The following TBCD variants were observed in gnomAD, a reference collection of about 807,000 sequenced individuals.
TBCD encodes tubulin folding cofactor D, also known as tubulin-specific chaperone D.
In TBCD, 105 loss-of-function variants were observed where a neutral mutation model predicts 169.3. That is an observed-to-expected ratio of 0.62 (90% CI 0.53 to 0.73). The LOEUF is 0.73. Ranked by LOEUF, TBCD falls within the 30% of genes least tolerant of loss-of-function variation. The pLI, the probability that TBCD is intolerant of heterozygous loss-of-function variation, is 0.00. For missense variants in TBCD, 1,444 were observed against 1,600.1 expected (o/e 0.90, Z 1.66); for synonymous variants, 700 against 643.9 (o/e 1.09, Z -1.32).
intron 12 of TBCD, among the ~76,000 whole-genome samples, chr17:82,813,360 C>T (rs1015804461): frequency 1.3e-5 from 2 of 152,136 alleles, no homozygotes; most frequent in Admixed American, 6.5e-5. Flanking sequence ...GAGACCCCCC[C>T]TGTGCTTCCA....
intron 4 of TBCD, among the ~76,000 whole-genome samples, chr17:82,767,690 C>T (rs1237685326): frequency 2.6e-5 from 4 of 152,140 alleles, no homozygotes; most frequent in Non-Finnish European, 2.9e-5. Flanking sequence ...GGCACGGTGG[C>T]TCGTGCCTGT....
intron 6 of TBCD, 82 bp downstream of exon 6, chr17:82,772,589 C>A: frequency 7.0e-7 from 1 of 1,433,378 alleles, no homozygotes. Flanking sequence ...TCATGTGCGT[C>A]TTCAGTCCTC....
At chr17:82,908,222 G>C (rs900121282) in intron 21 of TBCD, 2 of 436,850 alleles carry the variant, frequency 4.6e-6, no homozygotes, top group African/African-American at 4.1e-5. Context: ...AACTCTGGGT[G>C]GGGGCATTGG....
chr17:82,778,954 G>A (rs542587577), intron 6 of TBCD, among the ~76,000 whole-genome samples: 4 of 152,036 alleles, frequency 2.6e-5, no homozygotes, highest in South Asian at 4.2e-4. Context: ...GAGCCACTGC[G>A]CCCGGCCATG....
rs183608851 is a variant in TBCD at position 82,870,410 on chromosome 17, G to A, written c.1475+30G>A. ...GCCCATTCGTCGAGGTACATCGGAT[G>A]CGCCGTGCCCCCTGACGGCGCCGTG... On this transcript the variant is annotated intron_variant, in intron 14 of 38. Coordinates refer to ENST00000355528, the MANE Select transcript of TBCD (RefSeq NM_005993.5). 7,556 of 1,604,380 alleles carry A rather than the reference G, an allele frequency of 4.7e-3. 30 individuals are homozygous for A. Among genetic ancestry groups the A allele is most frequent in the Non-Finnish European group, 5.2e-3 (6,132 of 1,174,090 alleles).
At chr17:82,900,311 T>G (rs763077537) in intron 17 of TBCD, among the ~76,000 whole-genome samples, 12 of 152,228 alleles carry the variant, frequency 7.9e-5, no homozygotes, top group Non-Finnish European at 1.5e-4. Flanking sequence ...TTTGTCAGTC[T>G]TCTTTGGCTT....
intron 13 of TBCD, among the ~76,000 whole-genome samples, chr17:82,817,662 G>A (rs780212496): frequency 1.8e-4 from 27 of 152,246 alleles, no homozygotes; most frequent in Non-Finnish European, 2.6e-4. Context: ...GCCCAGGCTC[G>A]TCTTGAACTT....
rs867885768 is a variant in TBCD at position 82,780,889 on chromosome 17, G to A, written c.639-700G>A. On this transcript the variant is annotated intron_variant, in intron 6 of 38. Coordinates refer to ENST00000355528, the MANE Select transcript of TBCD (RefSeq NM_005993.5). ...TCTCGAACTCCTGACCTCGTGATCC[G>A]CCCTCCTCGTCCTCCAAAGTGCTGG... Among the ~76,000 whole-genome samples the A allele has an allele frequency of 6.6e-5, 10 of 151,884 alleles. No homozygotes were observed. In the Middle Eastern group the frequency reaches 0.01, roughly 155 times the overall value.
At chr17:82,899,145 A>G (rs1203598574) in intron 17 of TBCD, among the ~76,000 whole-genome samples, 2 of 88,096 alleles carry the variant, frequency 2.3e-5, no homozygotes, top group South Asian at 3.0e-4. Flanking sequence ...GTCCTCCGCT[A>G]GTGTCCTCAG....
At chr17:82,755,246 T>G (rs1350640528) in intron 1 of TBCD, among the ~76,000 whole-genome samples, 1 of 152,198 alleles carries the variant, frequency 6.6e-6, no homozygotes, top group Non-Finnish European at 1.5e-5. Flanking sequence ...GTTTTTCTTA[T>G]GCAGATGAAG....
chr17:82,821,432 G>T (rs2052405266), intron 13 of TBCD, among the ~76,000 whole-genome samples: 1 of 152,176 alleles, frequency 6.6e-6, no homozygotes, highest in African/African-American at 2.4e-5. Context: ...AGAAATCTTT[G>T]CATATGTGTT....
intron 28 of TBCD, 112 bp from the exon 29 acceptor site, chr17:82,927,074 G>C: frequency 6.7e-7 from 1 of 1,486,934 alleles, no homozygotes; most frequent in Non-Finnish European, 9.2e-7. Context: ...CGAGGGTCCT[G>C]GACTGTTCTG....
chr17:82,909,298 A>G lies in TBCD; in HGVS notation c.1997A>G (p.Gln666Arg). The G allele has an allele frequency of 6.6e-7, 1 of 1,522,856 alleles. No homozygotes were observed. Among genetic ancestry groups the G allele is most frequent in the Non-Finnish European group, 8.9e-7 (1 of 1,122,698 alleles). The allele number at this position is 1,522,856 out of a possible 1,614,324, so 94.3% of individuals were successfully genotyped here. ...TTTTATTTTCAGCTCTATGATCGTCAGTTATACAGGTGAGCTTTACAAAAC... is the reference window on the plus strand; with the variant it reads ...TTTTATTTTCAGCTCTATGATCGTCGGTTATACAGGTGAGCTTTACAAAAC... ...KQIHQQLYDR[Q>R]LYRGLGGQLM... Residue 666 changes from glutamine to arginine, a missense_variant, in exon 22 of 39, where the codon CAG becomes CGG. Physicochemically the swap from Gln to Arg is conservative, Grantham distance 43 (BLOSUM62 1). Transcript: ENST00000355528.
At chr17:82,755,731 ATTTTG>A (rs2047370067) in intron 1 of TBCD, among the ~76,000 whole-genome samples, 2 of 152,126 alleles carry the variant, frequency 1.3e-5, no homozygotes, top group African/African-American at 4.8e-5. Context: ...GGGGCTTAGA[ATTTTG>A]TTTTTAGTTT....
chr17:82,817,211 A>G (rs940583318), intron 13 of TBCD, among the ~76,000 whole-genome samples: 5 of 151,950 alleles, frequency 3.3e-5, no homozygotes, highest in African/African-American at 1.2e-4. Flanking sequence ...GCTCGTTGCC[A>G]CCTTGATCTC....
intron 13 of TBCD, among the ~76,000 whole-genome samples, chr17:82,861,342 TGGTTCACGTCAGCC>T (rs1206798520): frequency 3.8e-3 from 5 of 1,326 alleles, no homozygotes; most frequent in South Asian, 0.019. Context: ...CGTCAGCCGC[TGGTTCACGTCAGCC>T]GCTGGTTCAC....
At chr17:82,796,941 CAG>C (rs1252148987) in intron 7 of TBCD, among the ~76,000 whole-genome samples, 1 of 152,190 alleles carries the variant, frequency 6.6e-6, no homozygotes, top group Non-Finnish European at 1.5e-5. Flanking sequence ...GACAGCAGGA[CAG>C]GGGTGGCGTG....
intron 13 of TBCD, chr17:82,840,267 AG>A (rs2054358324): frequency 6.6e-6 from 1 of 152,346 alleles, no homozygotes; most frequent in Admixed American, 6.5e-5. Flanking sequence ...CATATGTCAG[AG>A]GGCTTTCGAT....
Position 82,921,619 on chromosome 17 carries a change from G to A in TBCD, c.2178+42G>A, listed in dbSNP as rs745859951. On this transcript the variant is annotated intron_variant, in intron 25 of 38. Coordinates refer to ENST00000355528, the MANE Select transcript of TBCD (RefSeq NM_005993.5). ...CGTTCCCGGCCGGCGCTGTGGCGGTGTTAGTGTGTTAGTCACGGATGGTGT... is the reference window on the plus strand; with the variant it reads ...CGTTCCCGGCCGGCGCTGTGGCGGTATTAGTGTGTTAGTCACGGATGGTGT... 4 of 1,572,136 alleles carry A rather than the reference G, an allele frequency of 2.5e-6. No individual in the cohort carries two copies. The African/African-American group carries it at 4.1e-5, about 16-fold the overall frequency.
Sources: allele counts gnomAD v4.1 joint callset (sites outside exome capture counted in the v4.1 genomes callset), GRCh38; gene constraint gnomAD v4.1.1; transcripts MANE v1.5; gene names NCBI Gene and HGNC (gene_info 2026-07-23, HGNC 2026-07-21).